Variants in DENND2A observed in about 807,000 individuals in gnomAD.
DENND2A encodes DENN domain-containing protein 2A.
Under a neutral mutation model 105.3 loss-of-function variants are expected in DENND2A, and 53 were observed. The ratio of observed to expected loss-of-function variants is 0.50; its 90% CI spans 0.40 to 0.63. The LOEUF (loss-of-function observed/expected upper bound fraction) is 0.63, where lower values mean the gene tolerates loss of function less well. Among genes scored for constraint, DENND2A ranks in the 30% least tolerant of loss-of-function variants. The pLI is 0.00. For synonymous variants in DENND2A, 522 were observed against 508.4 expected (o/e 1.03, Z -0.36); for missense variants, 1,138 against 1,279.6 (o/e 0.89, Z 1.69).
In DENND2A at chr7:140,520,447, G is replaced by A. The variant is rs558645992; in HGVS notation, c.2912-729C>T. 5.3e-5 allele frequency among the ~76,000 whole-genome samples: 8 copies of A among 152,204 alleles called. No homozygotes were observed. The East Asian group carries it at 1.5e-3, about 29-fold the overall frequency. ...GGAGTCCCTCTGTGGAGGTGTGGAG[G>A]GAGGATGGCTGGATAGGCCATCTCT... On this transcript the variant is annotated intron_variant, in intron 18 of 19. Coordinates refer to ENST00000496613, the MANE Select transcript of DENND2A (RefSeq NM_015689.5).
intron 5 of DENND2A, among the ~76,000 whole-genome samples, chr7:140,581,999 CTT>C (rs1798566550): frequency 6.8e-6 from 1 of 147,850 alleles, no homozygotes. Flanking sequence ...GAGTTTCACT[CTT>C]TTACCCAGGC....
intron 5 of DENND2A, among the ~76,000 whole-genome samples, chr7:140,574,956 G>A (rs1209468653): frequency 1.3e-5 from 2 of 152,116 alleles, no homozygotes; most frequent in Non-Finnish European, 1.5e-5. Context: ...GGAGGCGGAT[G>A]TTGCAGTGAG....
At chr7:140,570,496 T>C (rs76103843) in intron 6 of DENND2A, among the ~76,000 whole-genome samples, 5,551 of 152,270 alleles carry the variant, frequency 0.036, 347 homozygotes, top group African/African-American at 0.12. Flanking sequence ...AGAGCAGCCC[T>C]GAGTGGGGTG....
chr7:140,597,986 A>G (rs916104541), intron 3 of DENND2A, among the ~76,000 whole-genome samples: 2 of 151,832 alleles, frequency 1.3e-5, no homozygotes, highest in Non-Finnish European at 2.9e-5. Context: ...CCTAGTAAAG[A>G]TAGTGCAATC....
chr7:140,623,501 G>C (rs577717400), intron 1 of DENND2A, among the ~76,000 whole-genome samples: 1 of 151,550 alleles, frequency 6.6e-6, no homozygotes, highest in Admixed American at 6.6e-5. Context: ...AGGCCGAGGC[G>C]GGCAGATTAC....
chr7:140,536,386 G>C (rs151302818), intron 14 of DENND2A, among the ~76,000 whole-genome samples: 14 of 151,890 alleles, frequency 9.2e-5, no homozygotes, highest in Non-Finnish European at 1.6e-4. Context: ...TCAGAGAAAC[G>C]TGTCTGAGAG....
intron 14 of DENND2A, among the ~76,000 whole-genome samples, chr7:140,542,285 G>T (rs902795010): frequency 6.6e-6 from 1 of 152,116 alleles, no homozygotes; most frequent in Non-Finnish European, 1.5e-5. Context: ...TTTCCTTCCG[G>T]ATCTTCTTTG....
chr7:140,590,210 T>C (rs906711409), intron 3 of DENND2A, among the ~76,000 whole-genome samples: 2 of 151,916 alleles, frequency 1.3e-5, no homozygotes, highest in Non-Finnish European at 2.9e-5. Flanking sequence ...GCCAACATGG[T>C]GAAACCTTGT....
At chr7:140,594,458 C>T (rs550651038) in intron 3 of DENND2A, among the ~76,000 whole-genome samples, 3 of 152,180 alleles carry the variant, frequency 2.0e-5, no homozygotes, top group Non-Finnish European at 2.9e-5. Context: ...CCCACCCTCC[C>T]GCTGGCCCGA....
rs368464360 is a variant in DENND2A, at chr7:140,546,915, G to T, written c.2062C>A (p.Arg688=). Residue 688 remains arginine, a synonymous_variant, in exon 13 of 20, where the codon CGA becomes AGA. Transcript: ENST00000496613. The part of the protein sequence containing the change: ...SRILDEVEKR[R]GISPALVQPL... ...TGAACCAGGGCAGGAGAGATGCCTC[G>T]TCTTTTTTCCACCTCATCCAAGATC... 33 of 1,613,544 alleles carry T rather than the reference G, an allele frequency of 2.0e-5. No individual in the cohort carries two copies. The African/African-American group carries it at 4.4e-4, about 22-fold the overall frequency.
chr7:140,542,530 C>G (rs1311321821), intron 14 of DENND2A, among the ~76,000 whole-genome samples: 1 of 151,660 alleles, frequency 6.6e-6, no homozygotes, highest in Non-Finnish European at 1.5e-5. Context: ...TCTGGGCCAG[C>G]CCTAGTGAAC....
chr7:140,613,189 G>A (rs1236093256), intron 1 of DENND2A, among the ~76,000 whole-genome samples: 1 of 152,010 alleles, frequency 6.6e-6, no homozygotes, highest in Non-Finnish European at 1.5e-5. Context: ...GCTGAAGCAG[G>A]AGGACTGCTT....
intron 1 of DENND2A, among the ~76,000 whole-genome samples, chr7:140,632,687 G>A (rs1050476035): frequency 4.6e-5 from 7 of 151,638 alleles, no homozygotes; most frequent in African/African-American, 1.7e-4. Flanking sequence ...ACCTGCCTCA[G>A]CCTCCTGAGT....
At chr7:140,578,964 G>C (rs1271319474) in intron 5 of DENND2A, among the ~76,000 whole-genome samples, 2 of 152,126 alleles carry the variant, frequency 1.3e-5, no homozygotes, top group Non-Finnish European at 2.9e-5. Context: ...TACCGTGCAG[G>C]CAATAAAAAC....
At chr7:140,637,017 G>A (rs1164637313) in intron 1 of DENND2A, among the ~76,000 whole-genome samples, 4 of 151,952 alleles carry the variant, frequency 2.6e-5, no homozygotes, top group South Asian at 2.1e-4. Context: ...GCGCCACCAC[G>A]CCTGGCTAAT....
chr7:140,641,125 T>C (rs1189209767), upstream of DENND2A, among the ~76,000 whole-genome samples: 3 of 151,440 alleles, frequency 2.0e-5, no homozygotes, highest in Non-Finnish European at 4.4e-5. Context: ...GGCGGCCGCG[T>C]GCCCGGCCCC....
At chr7:140,526,948 G>A (rs189691530) in intron 15 of DENND2A, among the ~76,000 whole-genome samples, 12 of 152,242 alleles carry the variant, frequency 7.9e-5, no homozygotes, top group Non-Finnish European at 1.8e-4. Flanking sequence ...CATTTGTAAC[G>A]GATATGACAA....
At chr7:140,538,967 G>A (rs1055041479) in intron 14 of DENND2A, among the ~76,000 whole-genome samples, 4 of 151,774 alleles carry the variant, frequency 2.6e-5, no homozygotes, top group African/African-American at 7.3e-5. Context: ...GGGATTATAG[G>A]CGTGTGCCAC....
At chr7:140,627,172 G>A (rs1019868680) in intron 1 of DENND2A, among the ~76,000 whole-genome samples, 1 of 152,018 alleles carries the variant, frequency 6.6e-6, no homozygotes, top group African/African-American at 2.4e-5. Flanking sequence ...AAGTAATAAT[G>A]CTCTAACATA....
Sources: gnomAD v4.1 joint callset for allele counts (sites outside exome capture counted in the v4.1 genomes callset) on GRCh38, gnomAD v4.1.1 for gene constraint, MANE v1.5 for transcripts, NCBI Gene and HGNC (gene_info 2026-07-23, HGNC 2026-07-21) for gene names.